Variants in MCTP1 observed in about 807,000 individuals in gnomAD.
The protein encoded by MCTP1 is multiple C2 and transmembrane domain-containing protein 1.
MCTP1 carries 69 observed loss-of-function variants against 120.6 expected under a neutral mutation model. The observed-to-expected ratio is 0.57, with a 90% CI of 0.47 to 0.70. The LOEUF (loss-of-function observed/expected upper bound fraction) is 0.70. Among genes scored for constraint, MCTP1 ranks in the 30% least tolerant of loss-of-function variants. The pLI is 0.00. For synonymous variants in MCTP1, 529 were observed against 493.1 expected, an observed-to-expected ratio of 1.07 and a Z score of -0.96; for missense variants, 1,203 against 1,248.8, an observed-to-expected ratio of 0.96 and a Z score of 0.55.
chr5:94,948,825 C>G (rs188644520), intron 3 of MCTP1, among the ~76,000 whole-genome samples: 1 of 152,212 alleles, frequency 6.6e-6, no homozygotes, highest in East Asian at 1.9e-4. Flanking sequence ...GAATAACTCT[C>G]GTGTACAACC....
At chr5:95,043,522 G>A (rs1842685431) in intron 1 of MCTP1, among the ~76,000 whole-genome samples, 2 of 152,092 alleles carry the variant, frequency 1.3e-5, no homozygotes, top group Non-Finnish European at 2.9e-5. Context: ...TTCTGCTGCA[G>A]TTGTAGAGAA....
intron 1 of MCTP1, among the ~76,000 whole-genome samples, chr5:95,197,465 A>G (rs969506775): frequency 3.3e-5 from 5 of 152,232 alleles, no homozygotes; most frequent in South Asian, 2.1e-4. Flanking sequence ...AACATAGATC[A>G]TCATCAATTG....
chr5:94,756,540 T>C (rs972095405), intron 19 of MCTP1, among the ~76,000 whole-genome samples: 5 of 152,184 alleles, frequency 3.3e-5, no homozygotes, highest in South Asian at 2.1e-4. Context: ...GAATAGGCGA[T>C]AAGAATGAAT....
intron 19 of MCTP1, among the ~76,000 whole-genome samples, chr5:94,741,453 ATGACT>A (rs1406716072): frequency 9.8e-5 from 15 of 152,332 alleles, no homozygotes; most frequent in South Asian, 2.1e-4. Context: ...GGTAAATAAA[ATGACT>A]TGACTTCTCT....
rs57131203 is a variant in MCTP1 at position 95,102,178 on chromosome 5, C to A, written c.721-84694G>T. ...AAAGTAATACTGTGCTAGTTCCAAG[C>A]AGAGGCCTCAAGAGGTTGTTAATGC... On this transcript the variant is annotated intron_variant, in intron 1 of 22. Coordinates refer to ENST00000515393, the MANE Select transcript of MCTP1 (RefSeq NM_024717.7). Among the ~76,000 whole-genome samples, 340 of 152,232 alleles carry A rather than the reference C, an allele frequency of 2.2e-3. 2 individuals are homozygous for A. The highest frequency in any genetic ancestry group is 7.9e-3 in the African/African-American group (328 of 41,536).
chr5:95,264,367 T>C (rs561882611), intron 1 of MCTP1, among the ~76,000 whole-genome samples: 1 of 152,326 alleles, frequency 6.6e-6, no homozygotes, highest in Non-Finnish European at 1.5e-5. Flanking sequence ...AAAAACCTAG[T>C]TGATATACAC....
chr5:94,791,555 G>GGT (rs2152988613), intron 18 of MCTP1, among the ~76,000 whole-genome samples: 1 of 151,708 alleles, frequency 6.6e-6, no homozygotes, highest in African/African-American at 2.4e-5. Flanking sequence ...TAAAACTCGT[G>GGT]GTGGGCTGTT....
intron 3 of MCTP1, among the ~76,000 whole-genome samples, chr5:94,946,664 G>C (rs928460090): frequency 1.3e-5 from 2 of 152,114 alleles, no homozygotes; most frequent in Non-Finnish European, 2.9e-5. Context: ...ATATGAATCA[G>C]GGAGACTTTC....
intron 2 of MCTP1, among the ~76,000 whole-genome samples, chr5:95,015,795 A>T (rs537554882): frequency 1.3e-5 from 2 of 152,070 alleles, no homozygotes; most frequent in African/African-American, 2.4e-5. Flanking sequence ...ATGGGTATTT[A>T]GATTATTGCC....
chr5:95,268,937 T>C (rs1374416338), intron 1 of MCTP1, among the ~76,000 whole-genome samples: 1 of 152,186 alleles, frequency 6.6e-6, no homozygotes, highest in African/African-American at 2.4e-5. Flanking sequence ...TAGCAGCTTT[T>C]CAATATTGAA....
At chr5:94,886,063 C>T (rs184724582) in intron 12 of MCTP1, among the ~76,000 whole-genome samples, 2 of 152,302 alleles carry the variant, frequency 1.3e-5, no homozygotes, top group East Asian at 1.9e-4. Flanking sequence ...AAACTACCCT[C>T]GACTATCAAC....
At chr5:95,031,409 G>C (rs542880552) in intron 1 of MCTP1, among the ~76,000 whole-genome samples, 1 of 152,158 alleles carries the variant, frequency 6.6e-6, no homozygotes, top group African/African-American at 2.4e-5. Context: ...ACCTATAAAG[G>C]AAATCCCATC....
chr5:95,251,466 G>T (rs1582661735), intron 1 of MCTP1, among the ~76,000 whole-genome samples: 2 of 152,098 alleles, frequency 1.3e-5, no homozygotes, highest in African/African-American at 4.8e-5. Context: ...AAGAATGAAA[G>T]AAATTAAGAA....
At chr5:95,142,661 T>C (rs1193015559) in intron 1 of MCTP1, among the ~76,000 whole-genome samples, 1 of 152,048 alleles carries the variant, frequency 6.6e-6, no homozygotes, top group Non-Finnish European at 1.5e-5. Context: ...TTTAAGAACT[T>C]AATAAAAACT....
At chr5:94,974,722 G>A (rs1827697469) in intron 2 of MCTP1, among the ~76,000 whole-genome samples, 1 of 151,528 alleles carries the variant, frequency 6.6e-6, no homozygotes, top group Admixed American at 6.6e-5. Context: ...TAGAATATAT[G>A]CATGAAAAAA....
chr5:95,137,981 A>G (rs1000126622), intron 1 of MCTP1, among the ~76,000 whole-genome samples: 2 of 152,226 alleles, frequency 1.3e-5, no homozygotes, highest in Non-Finnish European at 2.9e-5. Flanking sequence ...GATACTTAAT[A>G]AAAGTCCTAC....
At chr5:95,159,701 T>C (rs1745509414) in intron 1 of MCTP1, among the ~76,000 whole-genome samples, 2 of 152,122 alleles carry the variant, frequency 1.3e-5, no homozygotes, top group South Asian at 4.2e-4. Flanking sequence ...GTTCCACTTG[T>C]GAGTCTGAAG....
intron 17 of MCTP1, among the ~76,000 whole-genome samples, chr5:94,812,748 G>A (rs889093870): frequency 2.0e-5 from 3 of 149,960 alleles, no homozygotes; most frequent in African/African-American, 7.3e-5. Context: ...ACTCCAGCCT[G>A]AGCAACACAG....
chr5:94,944,008 C>T, intron 3 of MCTP1, among the ~76,000 whole-genome samples: 1 of 152,046 alleles, frequency 6.6e-6, no homozygotes, highest in East Asian at 1.9e-4. Context: ...TTAGAAAGCT[C>T]AAAGCAGAGC....
Sources: allele counts gnomAD v4.1 joint callset (sites outside exome capture counted in the v4.1 genomes callset), GRCh38; gene constraint gnomAD v4.1.1; transcripts MANE v1.5; gene names NCBI Gene and HGNC (gene_info 2026-07-23, HGNC 2026-07-21).